The following CCDC148 variants were observed in gnomAD, a reference collection of about 807,000 sequenced individuals.
CCDC148 encodes coiled-coil domain containing 148.
CCDC148 carries 89 observed loss-of-function variants against 85.7 expected under a neutral mutation model. That is an observed-to-expected ratio of 1.04 (90% CI 0.87 to 1.24). The LOEUF is 1.24. CCDC148 is among the 50% of genes most tolerant of loss of function. CCDC148 has a pLI of 0.00. For synonymous variants in CCDC148, 230 were observed against 213.9 expected (o/e 1.08, Z -0.66); for missense variants, 692 against 671.7 (o/e 1.03, Z -0.33).
chr2:158,201,284 G>A lies in CCDC148; in HGVS notation c.1370+19311C>T, dbSNP rs77737283. Among the ~76,000 whole-genome samples the A allele has an allele frequency of 8.5e-3, 1,289 of 151,880 alleles. 19 individuals are homozygous for A. Among genetic ancestry groups the A allele is most frequent in the African/African-American group, 0.028 (1,157 of 41,394 alleles). ...ATGTCAATTTATATGTAAATATTTC[G>A]AAGTCTCAATACCAGTGTTACCAAT... On this transcript the variant is annotated intron_variant, in intron 11 of 13. Coordinates refer to ENST00000283233, the MANE Select transcript of CCDC148 (RefSeq NM_138803.4).
At chr2:158,432,956 G>C (rs1450308855) in intron 1 of CCDC148, among the ~76,000 whole-genome samples, 1 of 150,690 alleles carries the variant, frequency 6.6e-6, no homozygotes, top group Non-Finnish European at 1.5e-5. Flanking sequence ...TAAAATTATA[G>C]GTTGGGTGCA....
intron 2 of CCDC148, among the ~76,000 whole-genome samples, chr2:158,353,393 A>C (rs1416306737): frequency 3.3e-5 from 5 of 150,874 alleles, no homozygotes; most frequent in Non-Finnish European, 5.9e-5. Flanking sequence ...TCTACCAAGC[A>C]AATGGAAAAC....
chr2:158,216,906 A>T (rs77305806), intron 11 of CCDC148, among the ~76,000 whole-genome samples: 10,471 of 152,242 alleles, frequency 0.069, 484 homozygotes, highest in East Asian at 0.13. Flanking sequence ...TCCTTGCAAC[A>T]ATCTTAAGAA....
intron 9 of CCDC148, among the ~76,000 whole-genome samples, chr2:158,284,417 G>T (rs1243855022): frequency 6.6e-6 from 1 of 152,120 alleles, no homozygotes; most frequent in African/African-American, 2.4e-5. Context: ...AGATGGTGAG[G>T]AACGAATGTG....
chr2:158,325,805 C>T (rs1022422561), intron 7 of CCDC148, among the ~76,000 whole-genome samples: 12 of 152,160 alleles, frequency 7.9e-5, no homozygotes, highest in African/African-American at 2.9e-4. Flanking sequence ...ATTCTTGTTG[C>T]TCTCTTTTTC....
intron 10 of CCDC148, among the ~76,000 whole-genome samples, chr2:158,242,633 G>GT (rs370301211): frequency 0.86 from 119,331 of 139,006 alleles, 53,267 homozygotes; most frequent in Non-Finnish European, 0.98. Context: ...CCACTCTGTA[G>GT]TTTTTTTTTT....
chr2:158,420,576 T>C (rs1343419643), intron 1 of CCDC148, among the ~76,000 whole-genome samples: 2 of 151,674 alleles, frequency 1.3e-5, no homozygotes, highest in African/African-American at 2.4e-5. Flanking sequence ...TTACAAGAGC[T>C]CCCAAAGGAA....
intron 10 of CCDC148, among the ~76,000 whole-genome samples, chr2:158,226,895 C>G (rs1687569530): frequency 6.6e-6 from 1 of 152,128 alleles, no homozygotes; most frequent in African/African-American, 2.4e-5. Context: ...AAAACTGGCA[C>G]AAGACAGGGA....
chr2:158,200,190 C>T (rs1685884816), intron 11 of CCDC148, among the ~76,000 whole-genome samples: 2 of 152,188 alleles, frequency 1.3e-5, no homozygotes, highest in South Asian at 4.1e-4. Context: ...GTTTTTACAT[C>T]TCACTGGTTT....
chr2:158,448,673 A>G (rs886174415), intron 1 of CCDC148, among the ~76,000 whole-genome samples: 3 of 151,870 alleles, frequency 2.0e-5, no homozygotes, highest in Non-Finnish European at 2.9e-5. Context: ...TGACTTCTCA[A>G]TTCCTATAAA....
At chr2:158,368,593 C>T (rs1371718473) in intron 1 of CCDC148, among the ~76,000 whole-genome samples, 1 of 151,948 alleles carries the variant, frequency 6.6e-6, no homozygotes. Flanking sequence ...AATGCTAAGC[C>T]TTTTAGATCT....
At chr2:158,192,527 A>G (rs1685471709) in intron 11 of CCDC148, among the ~76,000 whole-genome samples, 1 of 152,098 alleles carries the variant, frequency 6.6e-6, no homozygotes, top group Non-Finnish European at 1.5e-5. Flanking sequence ...AAAGTTTACA[A>G]TGGCCAAGCG....
At chr2:158,408,378 T>C (rs1686115275) in intron 1 of CCDC148, among the ~76,000 whole-genome samples, 1 of 152,164 alleles carries the variant, frequency 6.6e-6, no homozygotes, top group Non-Finnish European at 1.5e-5. Flanking sequence ...TTGACCAATA[T>C]TTCCCCATTT....
At chr2:158,330,198 T>C (rs922618057) in intron 7 of CCDC148, among the ~76,000 whole-genome samples, 6 of 152,210 alleles carry the variant, frequency 3.9e-5, no homozygotes, top group African/African-American at 9.7e-5. Context: ...ACCTAATTTA[T>C]TGAGTGTTTT....
intron 9 of CCDC148, among the ~76,000 whole-genome samples, chr2:158,279,052 A>C (rs534330866): frequency 6.6e-6 from 1 of 152,344 alleles, no homozygotes; most frequent in African/African-American, 2.4e-5. Context: ...ACTCTAACAG[A>C]CCTGCACCTG....
chr2:158,290,663 T>G (rs1196811913), intron 9 of CCDC148, among the ~76,000 whole-genome samples: 1 of 152,146 alleles, frequency 6.6e-6, no homozygotes, highest in Non-Finnish European at 1.5e-5. Context: ...CCCTAGCACT[T>G]TTTGCTCTCT....
chr2:158,179,029 G>T, intron 11 of CCDC148, 33 bp from the exon 12 acceptor site: 1 of 1,502,086 alleles, frequency 6.7e-7, no homozygotes, highest in South Asian at 1.1e-5. Flanking sequence ...AGTTGTGGAA[G>T]CATCATAATA....
intron 3 of CCDC148, among the ~76,000 whole-genome samples, chr2:158,342,008 G>T (rs1440123515): frequency 8.2e-6 from 1 of 121,228 alleles, no homozygotes; most frequent in Non-Finnish European, 1.7e-5. Context: ...TTTTATGTAC[G>T]TGTCATTATT....
intron 1 of CCDC148, chr2:158,365,944 A>G: frequency 9.0e-7 from 1 of 1,111,912 alleles, no homozygotes; most frequent in East Asian, 2.7e-5. Flanking sequence ...CAACATTCCA[A>G]TTGTGTATCA....
Sources: allele counts gnomAD v4.1 joint callset (sites outside exome capture counted in the v4.1 genomes callset), GRCh38; gene constraint gnomAD v4.1.1; transcripts MANE v1.5; gene names NCBI Gene and HGNC (gene_info 2026-07-23, HGNC 2026-07-21).